ALPK3: variants seen among roughly 807,000 people sequenced by gnomAD.
ALPK3 encodes the protein alpha kinase 3.
Under a neutral mutation model 140.0 loss-of-function variants are expected in ALPK3, and 102 were observed. That is an observed-to-expected ratio of 0.73 (90% confidence interval 0.62 to 0.86). The LOEUF (loss-of-function observed/expected upper bound fraction) is 0.86. ALPK3 is among the 40% of genes least tolerant of loss of function. The pLI, the probability that ALPK3 is intolerant of heterozygous loss-of-function variation, is 0.00. For synonymous variants in ALPK3, 938 were observed against 898.5 expected (o/e 1.04, Z -0.79); for missense variants, 2,254 against 2,208.2 (o/e 1.02, Z -0.42).
chr15:84,833,494 G>A (rs982856919), intron 3 of ALPK3, among the ~76,000 whole-genome samples: 2 of 152,224 alleles, frequency 1.3e-5, no homozygotes, highest in Admixed American at 6.5e-5. Flanking sequence ...CTGGAGAGGT[G>A]GAAGGTGGAT....
chr15:84,868,046 T>C (rs993329508), intron 13 of ALPK3, 65 bp from the exon 14 acceptor site: 70 of 1,502,752 alleles, frequency 4.7e-5, no homozygotes, highest in Non-Finnish European at 6.2e-5. Context: ...CACCCCAGAG[T>C]CCGCCCCCCA....
intron 9 of ALPK3, among the ~76,000 whole-genome samples, chr15:84,861,143 C>G (rs915164100): frequency 1.3e-5 from 2 of 152,206 alleles, no homozygotes; most frequent in Non-Finnish European, 2.9e-5. Context: ...GAATCAGGAA[C>G]CACTCATTGC....
rs761264630 is a variant in ALPK3, at chr15:84,862,766, C to T, written c.4261C>T (p.Arg1421Trp). The change falls in exon 10 of 14, where the codon CGG becomes TGG. Residue 1421 changes from arginine to tryptophan, a missense_variant. This residue lies in a region of ALPK3 where 2,088 missense variants were observed against 2,022.9 expected (regional missense o/e 1.03). Transcript: ENST00000258888. The part of the protein sequence containing the change: ...LRGGGYGCGL[R>W]KASQAKVIYG... ...AGGGGGTGGATATGGGTGTGGCCTTCGGAAGGCCTCCCAGGCCAAGGTCAT... is the reference window on the plus strand; with the variant it reads ...AGGGGGTGGATATGGGTGTGGCCTTTGGAAGGCCTCCCAGGCCAAGGTCAT... 51 of 1,613,970 alleles carry T rather than the reference C, an allele frequency of 3.2e-5. No individual in the cohort carries two copies. Among genetic ancestry groups the T allele is most frequent in the East Asian group, 3.1e-4 (14 of 44,868 alleles).
In ALPK3 at chr15:84,871,950, A is replaced by G. The variant is rs1964077242; in HGVS notation, c.*3494A>G. The G allele has an allele frequency of 6.6e-6, 1 of 152,318 alleles. No individual in the cohort carries two copies. Among genetic ancestry groups the G allele is most frequent in the Non-Finnish European group, 1.5e-5 (1 of 68,100 alleles). 9.4% of individuals were successfully genotyped at this position (152,318 alleles called of 1,614,324 possible). On this transcript the variant is annotated 3_prime_UTR_variant, in exon 14 of 14. Transcript: ENST00000258888. ...GGGTTAGAAAAGCAAATCCAAATCC[A>G]GAACAAGGGCCCAAAAGGGCCAAGA...
intron 2 of ALPK3, among the ~76,000 whole-genome samples, chr15:84,824,307 G>T (rs2007616): frequency 0.83 from 126,576 of 152,146 alleles, 52,912 homozygotes; most frequent in East Asian, 0.94. Flanking sequence ...GGTTTGCTGG[G>T]TGAATGACTG....
chr15:84,859,918 C>T lies in ALPK3; in HGVS notation c.4093+15C>T, dbSNP rs771455330. ...CAGCCCTGAGGGTGAGTGTGCCCCG[C>T]GGCCCGGGGTCTCAGCCTGGCCTGG... On this transcript the variant is annotated intron_variant, in intron 8 of 13. Transcript: ENST00000258888. The T allele has an allele frequency of 1.2e-4, 194 of 1,613,804 alleles. 1 individual carries two copies. In the South Asian group the frequency reaches 1.7e-3, roughly 14 times the overall value.
chr15:84,838,575 G>A (rs187931564), intron 3 of ALPK3, among the ~76,000 whole-genome samples: 8 of 151,348 alleles, frequency 5.3e-5, no homozygotes, highest in Non-Finnish European at 1.2e-4. Flanking sequence ...GGTCTGGGAA[G>A]CCACGGCCTC....
chr15:84,843,662 C>T (rs1963692611), intron 5 of ALPK3, among the ~76,000 whole-genome samples: 1 of 152,186 alleles, frequency 6.6e-6, no homozygotes, highest in African/African-American at 2.4e-5. Flanking sequence ...TACCTAGTGC[C>T]CTCAGGCACC....
chr15:84,862,921 A>G lies in ALPK3; in HGVS notation c.4410+6A>G, dbSNP rs774261187. 3.3e-5 allele frequency: 53 copies of G among 1,611,316 alleles called. No individual in the cohort carries two copies. The highest frequency in any genetic ancestry group is 1.6e-4 in the Middle Eastern group (1 of 6,072). On this transcript the variant is annotated splice_donor_region_variant and intron_variant, in intron 10 of 13. Transcript: ENST00000258888. ...ACTACGACGTCACCATCCAGGTACT[A>G]TGTCCCATCTTCACACCCCATTCTT... is the stretch of plus-strand genomic sequence containing the variant.
chr15:84,857,760 C>T lies in ALPK3; in HGVS notation c.3022C>T (p.Pro1008Ser). Residue 1008 changes from proline (P) to serine (S), a missense_variant, in exon 6 of 14, where the codon CCC becomes TCC. Coordinates refer to ENST00000258888, the MANE Select transcript of ALPK3 (RefSeq NM_020778.5). Reference sequence around the variant, plus strand: ...CACTGTGGAAGTGGCTGGGCTTAGTCCCCGGACATCGAGGCGCATCCTGGA... The same window carrying T: ...CACTGTGGAAGTGGCTGGGCTTAGTTCCCGGACATCGAGGCGCATCCTGGA... ...TPTVEVAGLS[P>S]RTSRRILERV... is the part of the protein sequence containing the mutation. 6.2e-7 allele frequency: 1 copy of T among 1,613,086 alleles called. No homozygotes were observed. The highest frequency in any genetic ancestry group is 8.5e-7 in the Non-Finnish European group (1 of 1,179,356).
chr15:84,843,589 C>T (rs1174084748), intron 5 of ALPK3, among the ~76,000 whole-genome samples: 2 of 152,096 alleles, frequency 1.3e-5, no homozygotes, highest in African/African-American at 4.8e-5. Flanking sequence ...CTGACGAGCT[C>T]CAAGTTACAT....
chr15:84,842,792 C>T (rs1963681624), intron 5 of ALPK3, among the ~76,000 whole-genome samples: 1 of 152,214 alleles, frequency 6.6e-6, no homozygotes, highest in Non-Finnish European at 1.5e-5. Context: ...GTTCCTGACT[C>T]TTGTCCCCCT....
intron 5 of ALPK3, among the ~76,000 whole-genome samples, chr15:84,844,244 A>T (rs188187291): frequency 4.5e-4 from 69 of 151,812 alleles, no homozygotes; most frequent in Non-Finnish European, 7.2e-4. Context: ...ACCCAAAAAA[A>T]CAAAAAACAA....
intron 1 of ALPK3, among the ~76,000 whole-genome samples, chr15:84,820,713 C>T (rs990278777): frequency 3.9e-5 from 6 of 152,190 alleles, no homozygotes; most frequent in Admixed American, 6.5e-5. Context: ...AACTCCTGAC[C>T]TCAGGTGAAC....
rs1315250688 is a variant in ALPK3 at position 84,837,526 on chromosome 15, TCTTATGTG to T, written c.305-1450_305-1443del. ...AAGCTCCTGGAGAGCAGAGACCGTG[TCTTATGTG>T]CTTCTGTGTCCTCATAACCCTAACT... On this transcript the variant is annotated intron_variant, in intron 3 of 13. Transcript: ENST00000258888. Among the ~76,000 whole-genome samples the T allele has an allele frequency of 7.2e-5, 11 of 152,334 alleles. No individual in the cohort carries two copies. The East Asian group carries it at 9.6e-4, about 13-fold the overall frequency.
chr15:84,866,188 G>A (rs1402086154), intron 12 of ALPK3, among the ~76,000 whole-genome samples: 1 of 152,176 alleles, frequency 6.6e-6, no homozygotes, highest in African/African-American at 2.4e-5. Context: ...GTGCAAATGA[G>A]AGAGATCATC....
At chr15:84,851,587 G>A (rs1196063621) in intron 5 of ALPK3, among the ~76,000 whole-genome samples, 1 of 152,132 alleles carries the variant, frequency 6.6e-6, no homozygotes, top group South Asian at 2.1e-4. Flanking sequence ...GGTTCTTTGG[G>A]CATCCTTCCA....
At chr15:84,852,300 A>C (rs1487957599) in intron 5 of ALPK3, among the ~76,000 whole-genome samples, 1 of 152,174 alleles carries the variant, frequency 6.6e-6, no homozygotes, top group Non-Finnish European at 1.5e-5. Flanking sequence ...CTTAATGGGT[A>C]ACGGGCAACC....
At position 84,856,501 on chromosome 15, in the gene ALPK3, T is replaced by A. The variant is rs770575854; in HGVS notation, c.1763T>A (p.Met588Lys). The part of the protein sequence containing the change: ...TSGSQGIIEP[M>K]DMETQEDGRT... ...GGAAGTCAAGGTATCATTGAACCCA[T>A]GGATATGGAAACCCAGGAGGATGGG... The change falls in exon 6 of 14, where the codon ATG becomes AAG. Residue 588 changes from methionine (M) to lysine (K), a missense_variant. Around this residue, in one of 3 missense-constraint regions of ALPK3, gnomAD observed 2,088 missense variants for 2,022.9 expected, o/e 1.03. Coordinates refer to ENST00000258888, the MANE Select transcript of ALPK3 (RefSeq NM_020778.5). The A allele has an allele frequency of 6.2e-7, 1 of 1,614,070 alleles. No individual in the cohort carries two copies. Among genetic ancestry groups the A allele is most frequent in the Non-Finnish European group, 8.5e-7 (1 of 1,180,014 alleles).
Sources: gnomAD v4.1 joint callset for allele counts (sites outside exome capture counted in the v4.1 genomes callset) on GRCh38, gnomAD v4.1.1 for gene constraint, gnomAD v4.1.1 regional missense constraint, MANE v1.5 for transcripts, NCBI Gene and HGNC (gene_info 2026-07-23, HGNC 2026-07-21) for gene names.